Variants in PPP4R1 observed in about 807,000 individuals in gnomAD.
The protein encoded by PPP4R1 is serine/threonine-protein phosphatase 4 regulatory subunit 1.
In PPP4R1, 42 loss-of-function variants were observed where a neutral mutation model predicts 111.2. The observed-to-expected ratio is 0.38, with a 90% CI of 0.29 to 0.49. The LOEUF (loss-of-function observed/expected upper bound fraction) is 0.49. PPP4R1 is among the 20% of genes least tolerant of loss of function. The pLI, the probability that PPP4R1 is intolerant of heterozygous loss-of-function variation, is 0.97. For missense variants in PPP4R1, 1,012 were observed against 1,161.6 expected, an observed-to-expected ratio of 0.87 and a Z score of 1.87; for synonymous variants, 409 against 405.5, an observed-to-expected ratio of 1.01 and a Z score of -0.10.
In PPP4R1 at chr18:9,550,280, A is replaced by G. The variant is rs371252506; in HGVS notation, c.2410T>C (p.Leu804=). 12 of 1,613,838 alleles carry G rather than the reference A, an allele frequency of 7.4e-6. No homozygotes were observed. Among genetic ancestry groups the G allele is most frequent in the South Asian group, 1.1e-5 (1 of 91,040 alleles). ...VSSVRWISYK[L]VSEMVKKLHA... is the part of the protein sequence containing the mutation. ...AATTTTAAAAGTTCAATACATACCAACTTGTAGGAAATCCAACGAACAGAA... is the reference window on the plus strand; with the variant it reads ...AATTTTAAAAGTTCAATACATACCAGCTTGTAGGAAATCCAACGAACAGAA... The change falls in exon 17 of 20, where the codon TTG becomes CTG. Residue 804 remains leucine, a splice_region_variant and synonymous_variant. Coordinates refer to ENST00000400556, the MANE Select transcript of PPP4R1 (RefSeq NM_001042388.3).
intron 15 of PPP4R1, among the ~76,000 whole-genome samples, chr18:9,556,697 G>A (rs2066592120): frequency 6.6e-6 from 1 of 152,192 alleles, no homozygotes. Flanking sequence ...CAAGACGCCT[G>A]AAATACCACA....
At chr18:9,578,575 A>G (rs532131971) in intron 9 of PPP4R1, among the ~76,000 whole-genome samples, 1 of 152,122 alleles carries the variant, frequency 6.6e-6, no homozygotes, top group African/African-American at 2.4e-5. Context: ...AAAAAGCATA[A>G]TAATACCTTT....
chr18:9,576,866 TAACC>T (rs779032265), intron 10 of PPP4R1, among the ~76,000 whole-genome samples, 194 bp downstream of exon 10: 59 of 151,638 alleles, frequency 3.9e-4, no homozygotes, highest in Admixed American at 6.6e-4. Flanking sequence ...ATTCAATATG[TAACC>T]AACCAAAGAG....
intron 9 of PPP4R1, among the ~76,000 whole-genome samples, chr18:9,577,644 G>A (rs1204388919): frequency 6.6e-6 from 1 of 152,074 alleles, no homozygotes; most frequent in African/African-American, 2.4e-5. Flanking sequence ...TCCAGCCTGG[G>A]TGACAGAGCA....
chr18:9,613,314 TTTAAG>T (rs1201880561), intron 2 of PPP4R1, among the ~76,000 whole-genome samples: 2 of 152,246 alleles, frequency 1.3e-5, no homozygotes, highest in Non-Finnish European at 2.9e-5. Context: ...TAGAAACTAT[TTTAAG>T]TTAACTGCAA....
intron 15 of PPP4R1, among the ~76,000 whole-genome samples, chr18:9,553,920 C>T (rs2066527966): frequency 6.6e-6 from 1 of 152,216 alleles, no homozygotes. Context: ...ACCAACCTAA[C>T]TGTGCATCAG....
chr18:9,563,449 C>T lies in PPP4R1; in HGVS notation c.1675G>A (p.Asp559Asn). ...TTACAATTTGGTAGCTCATTTATAT[C>T]CAGTTCATCTTGCAAATCACTTCTC... ...EKRSDLQDELDINELPNCKIN... is the reference protein window; with the variant it reads ...EKRSDLQDELNINELPNCKIN... The change falls in exon 12 of 20, where the codon GAT becomes AAT. Residue 559 changes from aspartate to asparagine, a missense_variant. This residue lies in a region of PPP4R1 where 707 missense variants were observed against 742.1 expected (regional missense o/e 0.95). Coordinates refer to ENST00000400556, the MANE Select transcript of PPP4R1 (RefSeq NM_001042388.3). 1 of 1,610,888 alleles carries T rather than the reference C, an allele frequency of 6.2e-7. No homozygotes were observed. Among genetic ancestry groups the T allele is most frequent in the Admixed American group, 1.7e-5 (1 of 59,994 alleles).
intron 4 of PPP4R1, among the ~76,000 whole-genome samples, chr18:9,590,696 A>C (rs910915863): frequency 1.3e-5 from 2 of 152,210 alleles, no homozygotes; most frequent in African/African-American, 4.8e-5. Context: ...CATTAAAAAA[A>C]AAAATGAAAC....
intron 11 of PPP4R1, 26 bp from the exon 12 acceptor site, chr18:9,563,576 AAAGT>A: frequency 6.6e-7 from 1 of 1,526,044 alleles, no homozygotes; most frequent in Non-Finnish European, 8.9e-7. Context: ...GGAAATGGAC[AAAGT>A]GAGAAACACA....
At chr18:9,554,985 A>G (rs1031368896) in intron 15 of PPP4R1, among the ~76,000 whole-genome samples, 2 of 152,336 alleles carry the variant, frequency 1.3e-5, no homozygotes, top group African/African-American at 4.8e-5. Context: ...GGTTATTTTT[A>G]CATGGGAATG....
In PPP4R1 at chr18:9,549,198, T is replaced by A. The variant is rs748508918; in HGVS notation, c.2688A>T (p.Lys896Asn). 31 of 1,611,860 alleles carry A rather than the reference T, an allele frequency of 1.9e-5. No individual in the cohort carries two copies. In the South Asian group the frequency reaches 3.3e-4, roughly 17 times the overall value. Residue 896 changes from lysine to asparagine, a missense_variant and splice_region_variant, in exon 19 of 20, where the codon AAA (lysine) becomes AAT (asparagine). Around this residue, in one of 2 missense-constraint regions of PPP4R1, gnomAD observed 305 missense variants for 419.5 expected, o/e 0.73. Transcript: ENST00000400556. Reference sequence around the variant, plus strand: ...TCTTCTAGTGGAGTCACTACCTACCTTTTTCTAGTAGAGTTTGTCTTAATG... The same window carrying A: ...TCTTCTAGTGGAGTCACTACCTACCATTTTCTAGTAGAGTTTGTCTTAATG... ...AKTLRQTLLEKDYFLASASCH... is the reference protein window; with the variant it reads ...AKTLRQTLLENDYFLASASCH...
At chr18:9,552,435 T>C (rs902452992) in intron 16 of PPP4R1, among the ~76,000 whole-genome samples, 8 of 152,206 alleles carry the variant, frequency 5.3e-5, no homozygotes, top group South Asian at 2.1e-4. Flanking sequence ...CCGATACGTA[T>C]TGCAACATCA....
chr18:9,588,271 T>A (rs1216630452), intron 5 of PPP4R1, 36 bp from the exon 6 acceptor site: 3 of 1,590,464 alleles, frequency 1.9e-6, no homozygotes, highest in Non-Finnish European at 2.6e-6. Context: ...AAAGTACATA[T>A]GCAACATGAC....
intron 13 of PPP4R1, among the ~76,000 whole-genome samples, chr18:9,560,799 C>A (rs906052587): frequency 4.0e-5 from 6 of 151,500 alleles, no homozygotes; most frequent in Non-Finnish European, 8.8e-5. Context: ...GAGTTCGAGG[C>A]TGCAGTGAGC....
chr18:9,588,575 A>G (rs2067159399), intron 5 of PPP4R1, 136 bp downstream of exon 5: 1 of 1,003,462 alleles, frequency 1.0e-6, no homozygotes, highest in Admixed American at 3.0e-5. Flanking sequence ...GTCAGACTCT[A>G]AACACATCTT....
rs2066422334 is a variant in PPP4R1 at position 9,547,760 on chromosome 18, A to G, written c.*29T>C. 1 of 1,610,126 alleles carries G rather than the reference A, an allele frequency of 6.2e-7. No individual in the cohort carries two copies. The highest frequency in any genetic ancestry group is 1.7e-5 in the Admixed American group (1 of 59,976). ...CCCACTGAACCTCGGCTCTCATGGA[A>G]GCAGGAAAGACACCGAGATTCAAGC... On this transcript the variant is annotated 3_prime_UTR_variant, in exon 20 of 20. Transcript: ENST00000400556.
At chr18:9,616,157 C>G (rs960184514), upstream of PPP4R1, among the ~76,000 whole-genome samples, 1 of 152,046 alleles carries the variant, frequency 6.6e-6, no homozygotes, top group African/African-American at 2.4e-5. Context: ...CCAACTGACT[C>G]AAACCATGAG....
At chr18:9,554,062 A>T (rs1189859638) in intron 15 of PPP4R1, among the ~76,000 whole-genome samples, 2 of 152,132 alleles carry the variant, frequency 1.3e-5, no homozygotes, top group Non-Finnish European at 2.9e-5. Context: ...TTGATGTGGG[A>T]ATTATTATTG....
At chr18:9,572,236 G>A (rs1720387344) in intron 10 of PPP4R1, among the ~76,000 whole-genome samples, 1 of 152,162 alleles carries the variant, frequency 6.6e-6, no homozygotes, top group African/African-American at 2.4e-5. Context: ...AGAAAGATGT[G>A]TGGGGCTGAC....
Sources: gnomAD v4.1 joint callset for allele counts (sites outside exome capture counted in the v4.1 genomes callset) on GRCh38, gnomAD v4.1.1 for gene constraint, gnomAD v4.1.1 regional missense constraint, MANE v1.5 for transcripts, NCBI Gene and HGNC (gene_info 2026-07-23, HGNC 2026-07-21) for gene names.